PTPRZ1: variants seen among roughly 807,000 people sequenced by gnomAD.
PTPRZ1 encodes receptor-type tyrosine-protein phosphatase zeta.
Under a neutral mutation model 214.1 loss-of-function variants are expected in PTPRZ1, and 82 were observed. That is an observed-to-expected ratio of 0.38 (90% CI 0.32 to 0.46). PTPRZ1 has a LOEUF of 0.46. PTPRZ1 is among the 20% of genes least tolerant of loss of function. The pLI is 1.00. For synonymous variants in PTPRZ1, 945 were observed against 987.9 expected (o/e 0.96, Z 0.81); for missense variants, 2,603 against 2,748.7 (o/e 0.95, Z 1.19).
intron 8 of PTPRZ1, among the ~76,000 whole-genome samples, chr7:121,985,000 T>G (rs577784724): frequency 1.3e-5 from 2 of 152,304 alleles, no homozygotes; most frequent in African/African-American, 2.4e-5. Flanking sequence ...TTCAATGATT[T>G]TTTTTTGCCA....
chr7:121,940,979 C>A (rs751398805), intron 2 of PTPRZ1, among the ~76,000 whole-genome samples: 8 of 152,196 alleles, frequency 5.3e-5, no homozygotes, highest in Non-Finnish European at 7.3e-5. Context: ...AGACTATGCA[C>A]CTTCTTCAAG....
At chr7:121,899,414 A>G (rs1794895079) in intron 1 of PTPRZ1, among the ~76,000 whole-genome samples, 1 of 152,202 alleles carries the variant, frequency 6.6e-6, no homozygotes, top group African/African-American at 2.4e-5. Context: ...CATAAAATAT[A>G]TGGAAGATAA....
At position 122,014,628 on chromosome 7, in the gene PTPRZ1, C is replaced by T. The variant is rs141766215; in HGVS notation, c.4843+739C>T. Among the ~76,000 whole-genome samples, 521 of 152,116 alleles carry T rather than the reference C, an allele frequency of 3.4e-3. 10 individuals are homozygous for T. The highest frequency in any genetic ancestry group is 0.03 in the Admixed American group (464 of 15,270). The stretch of plus-strand genomic sequence containing the variant: ...TAATTTTGTGTATTTTTAGTAAAGA[C>T]GGGGTTTCACCATGTTAGCCAGGAT... On this transcript the variant is annotated intron_variant, in intron 12 of 29. Coordinates refer to ENST00000393386, the MANE Select transcript of PTPRZ1 (RefSeq NM_002851.3).
chr7:121,996,772 G>A (rs1446405596), intron 9 of PTPRZ1, among the ~76,000 whole-genome samples: 1 of 152,140 alleles, frequency 6.6e-6, no homozygotes, highest in African/African-American at 2.4e-5. Context: ...TTAATTAAAT[G>A]GATATCATAA....
intron 11 of PTPRZ1, among the ~76,000 whole-genome samples, chr7:122,009,559 A>G (rs778556051): frequency 6.6e-6 from 1 of 151,706 alleles, no homozygotes; most frequent in Non-Finnish European, 1.5e-5. Flanking sequence ...ATATGTATAT[A>G]TATACATATA....
chr7:121,888,521 G>A (rs748213771), intron 1 of PTPRZ1, among the ~76,000 whole-genome samples: 6 of 151,982 alleles, frequency 3.9e-5, no homozygotes, highest in Admixed American at 1.3e-4. Flanking sequence ...TAGGAAAATC[G>A]AATTCAGAAA....
Position 122,011,624 on chromosome 7 carries a change from C to T in PTPRZ1, c.2578C>T (p.Leu860=). Residue 860 remains leucine (L), a synonymous_variant, in exon 12 of 30, where the codon CTG becomes TTG. Coordinates refer to ENST00000393386, the MANE Select transcript of PTPRZ1 (RefSeq NM_002851.3). ...TGATAAGGTGCCCTTGCATGCTTCT[C>T]TGCCAGTGGCTGGGGGTGATTTGCT... ...ESDKVPLHAS[L]PVAGGDLLLE... 2 of 1,614,124 alleles carry T rather than the reference C, an allele frequency of 1.2e-6. No homozygotes were observed. Among genetic ancestry groups the T allele is most frequent in the Middle Eastern group, 1.6e-4 (1 of 6,062 alleles).
chr7:121,994,329 C>G (rs1373089393), intron 8 of PTPRZ1, among the ~76,000 whole-genome samples: 4 of 96,096 alleles, frequency 4.2e-5, no homozygotes, highest in Non-Finnish European at 7.5e-5. Context: ...GAGTCTTGCT[C>G]TGTTGCCCCG....
chr7:122,060,106 G>C (rs1486614718), intron 29 of PTPRZ1, among the ~76,000 whole-genome samples: 2 of 152,104 alleles, frequency 1.3e-5, no homozygotes, highest in Non-Finnish European at 2.9e-5. Flanking sequence ...TCTCATGTTT[G>C]CCTTTGTGCA....
intron 6 of PTPRZ1, among the ~76,000 whole-genome samples, chr7:121,977,369 A>AT (rs1461795284): frequency 5.3e-5 from 8 of 152,212 alleles, no homozygotes; most frequent in Non-Finnish European, 4.4e-5. Context: ...ATGCTTTGAC[A>AT]TTGTTCTGCC....
intron 2 of PTPRZ1, among the ~76,000 whole-genome samples, chr7:121,941,407 GTTC>G (rs1254022389): frequency 6.6e-6 from 1 of 152,176 alleles, no homozygotes; most frequent in Non-Finnish European, 1.5e-5. Flanking sequence ...TAGGCTTTGA[GTTC>G]TTGTGTAAAT....
intron 2 of PTPRZ1, among the ~76,000 whole-genome samples, chr7:121,939,038 A>G (rs1451498394): frequency 6.6e-6 from 1 of 152,246 alleles, no homozygotes. Flanking sequence ...AGACTCACAC[A>G]TAGTAGGAGC....
chr7:122,011,150 G>T lies in PTPRZ1; in HGVS notation c.2104G>T (p.Gly702Cys). Residue 702 changes from glycine (G) to cysteine (C), a missense_variant, in exon 12 of 30, where the codon GGT becomes TGT. By Grantham distance (159) the Gly-to-Cys change is radical. This residue lies in a region of PTPRZ1 where 1,913 missense variants were observed against 1,914.3 expected (regional missense o/e 1.00). Transcript: ENST00000393386. ...SFSAGPVMSQ[G>C]PSVTDLEMPH... The stretch of plus-strand genomic sequence containing the variant: ...TTCTGCAGGCCCAGTGATGTCACAG[G>T]GTCCCTCAGTTACAGATCTGGAAAT... 8 of 1,613,998 alleles carry T rather than the reference G, an allele frequency of 5.0e-6. No individual in the cohort carries two copies. Among genetic ancestry groups the T allele is most frequent in the Non-Finnish European group, 6.8e-6 (8 of 1,179,976 alleles).
At chr7:121,960,545 A>G (rs1563038291) in intron 2 of PTPRZ1, among the ~76,000 whole-genome samples, 1 of 152,140 alleles carries the variant, frequency 6.6e-6, no homozygotes, top group Non-Finnish European at 1.5e-5. Flanking sequence ...ATATCTATTA[A>G]TTTTCAGTGG....
intron 2 of PTPRZ1, among the ~76,000 whole-genome samples, chr7:121,939,769 G>T (rs542755573): frequency 6.6e-6 from 1 of 152,328 alleles, no homozygotes; most frequent in South Asian, 2.1e-4. Flanking sequence ...GCAGTGATGA[G>T]TGTAAGTAAT....
In PTPRZ1 at chr7:121,968,096, G is replaced by A. The variant is rs779358888; in HGVS notation, c.270G>A (p.Leu90=). The change falls in exon 3 of 30, where the codon TTG becomes TTA. Residue 90 remains leucine, a synonymous_variant. Transcript: ENST00000393386. Reference sequence around the variant, plus strand: ...TTCAGGGTTGGGATAAAACATCATTGGAAAACACATTCATTCATAACACTG... The same window carrying A: ...TTCAGGGTTGGGATAAAACATCATTAGAAAACACATTCATTCATAACACTG... ...LKFQGWDKTS[L]ENTFIHNTGK... is the part of the protein sequence containing the mutation. 2.4e-5 allele frequency: 39 copies of A among 1,604,322 alleles called. No homozygotes were observed. The South Asian group carries it at 4.2e-4, about 17-fold the overall frequency.
intron 6 of PTPRZ1, among the ~76,000 whole-genome samples, chr7:121,981,240 C>G (rs1797602813): frequency 6.6e-6 from 1 of 152,178 alleles, no homozygotes; most frequent in South Asian, 2.1e-4. Context: ...ATGTTTGCAT[C>G]ACCTGGGGAT....
chr7:122,021,113 G>A (rs1799002877), intron 13 of PTPRZ1, among the ~76,000 whole-genome samples: 1 of 152,044 alleles, frequency 6.6e-6, no homozygotes, highest in South Asian at 2.1e-4. Context: ...AATAGTGCTA[G>A]TACAAAGTTC....
chr7:121,878,101 GAAATT>G (rs1389965478), intron 1 of PTPRZ1, among the ~76,000 whole-genome samples: 3 of 151,848 alleles, frequency 2.0e-5, no homozygotes, highest in Non-Finnish European at 2.9e-5. Flanking sequence ...AGAAATTAAA[GAAATT>G]AAAGAAAGAA....
Sources: gnomAD v4.1 joint callset for allele counts (sites outside exome capture counted in the v4.1 genomes callset) on GRCh38, gnomAD v4.1.1 for gene constraint, gnomAD v4.1.1 regional missense constraint, MANE v1.5 for transcripts, NCBI Gene and HGNC (gene_info 2026-07-23, HGNC 2026-07-21) for gene names.